The following PAM variants were observed in gnomAD, a reference collection of about 807,000 sequenced individuals.
PAM encodes the protein peptidylglycine alpha-amidating monooxygenase.
Under a neutral mutation model 122.1 loss-of-function variants are expected in PAM, and 72 were observed. That is an observed-to-expected ratio of 0.59 (90% CI 0.49 to 0.72). The LOEUF is 0.72. Among genes scored for constraint, PAM ranks in the 30% least tolerant of loss-of-function variants. The probability of loss-of-function intolerance (pLI) is 0.00; values close to 1 mark genes in which losing one functional copy is unlikely to be tolerated. For missense variants in PAM, 1,106 were observed against 1,183.7 expected (o/e 0.93, Z 0.96); for synonymous variants, 389 against 404.4 (o/e 0.96, Z 0.46).
intron 1 of PAM, among the ~76,000 whole-genome samples, chr5:102,847,385 G>A (rs1780216336): frequency 6.6e-6 from 1 of 152,130 alleles, no homozygotes; most frequent in Non-Finnish European, 1.5e-5. Context: ...GTTGCAGTGA[G>A]CTGAGATCAT....
At chr5:103,012,004 G>GATGAGAAATTTGCATGATCTGATC (rs1209727414) in intron 21 of PAM, among the ~76,000 whole-genome samples, 1 of 152,170 alleles carries the variant, frequency 6.6e-6, no homozygotes, top group Admixed American at 6.5e-5. Context: ...GCATTTCTCT[G>GATGAGAAATTTGCATGATCTGATC]ATGATCAATG....
At chr5:102,931,804 C>T (rs185626919) in intron 7 of PAM, among the ~76,000 whole-genome samples, 2,400 of 143,548 alleles carry the variant, frequency 0.017, 61 homozygotes, top group African/African-American at 0.058. Context: ...CAACAAACAA[C>T]ACACTCTCTC....
In PAM at chr5:102,940,139, CACACACACACAT is replaced by C. The variant is rs1298469872; in HGVS notation, c.527-6686_527-6675del. Among the ~76,000 whole-genome samples, 492 of 150,926 alleles carry C rather than the reference CACACACACACAT, an allele frequency of 3.3e-3. 2 individuals are homozygous for C. Among genetic ancestry groups the C allele is most frequent in the African/African-American group, 0.011 (437 of 40,956 alleles). Reference sequence around the variant, plus strand: ...ATACACACACACACACACACACACACACACACACACATACACACACACACATATATATGAAAA... The same window carrying C: ...ATACACACACACACACACACACACACACACACACACACATATATATGAAAA... On this transcript the variant is annotated intron_variant, in intron 7 of 25. Coordinates refer to ENST00000438793, the MANE Select transcript of PAM (RefSeq NM_001177306.2).
intron 1 of PAM, among the ~76,000 whole-genome samples, chr5:102,841,057 G>A (rs113314876): frequency 1.0e-3 from 159 of 151,988 alleles, no homozygotes; most frequent in African/African-American, 3.6e-3. Context: ...TCTTGGTATA[G>A]GAATAGTGTG....
intron 1 of PAM, among the ~76,000 whole-genome samples, chr5:102,822,914 C>T (rs32685): frequency 0.61 from 93,116 of 152,008 alleles, 28,872 homozygotes; most frequent in South Asian, 0.77. Context: ...GGATTCCTCC[C>T]CACTCATCCC....
intron 1 of PAM, among the ~76,000 whole-genome samples, chr5:102,779,656 G>A (rs566067752): frequency 9.9e-5 from 15 of 151,792 alleles, no homozygotes; most frequent in African/African-American, 1.9e-4. Context: ...TCTAATCAGC[G>A]GCCAGTGAAT....
At position 103,006,983 on chromosome 5, in the gene PAM, T is replaced by C. The variant is rs779755859; in HGVS notation, c.1986T>C (p.Ser662=). The C allele has an allele frequency of 1.2e-6, 2 of 1,613,750 alleles. No homozygotes were observed. Among genetic ancestry groups the C allele is most frequent in the South Asian group, 2.2e-5 (2 of 91,054 alleles). Residue 662 remains serine (S), a synonymous_variant, in exon 19 of 26, where the codon AGT becomes AGC. Coordinates refer to ENST00000438793, the MANE Select transcript of PAM (RefSeq NM_001177306.2). The stretch of plus-strand genomic sequence containing the variant: ...GCAGGATTGTGCAGTTTTCACCAAG[T>C]GGAAAGTTCATCACACAGTGGGGAG... ...CNSRIVQFSP[S]GKFITQWGEE...
chr5:102,849,633 G>A (rs1780880884), intron 1 of PAM, among the ~76,000 whole-genome samples: 1 of 151,852 alleles, frequency 6.6e-6, no homozygotes, highest in South Asian at 2.1e-4. Flanking sequence ...TTGGTTCAGT[G>A]GAGAGCATTA....
chr5:102,772,537 A>C (rs750576164), intron 1 of PAM, among the ~76,000 whole-genome samples: 9 of 152,146 alleles, frequency 5.9e-5, no homozygotes, highest in Admixed American at 4.6e-4. Context: ...AGATATGCAC[A>C]TGGTTCTCAA....
At chr5:102,932,005 C>T (rs1043722460) in intron 7 of PAM, among the ~76,000 whole-genome samples, 4 of 152,048 alleles carry the variant, frequency 2.6e-5, no homozygotes, top group African/African-American at 7.3e-5. Context: ...CTATTTTCAA[C>T]TCTCCTTTAT....
intron 5 of PAM, among the ~76,000 whole-genome samples, chr5:102,922,069 T>C (rs1362289405): frequency 6.6e-6 from 1 of 151,942 alleles, no homozygotes; most frequent in Non-Finnish European, 1.5e-5. Flanking sequence ...AAGTTGAGAG[T>C]GCAATACAAT....
intron 1 of PAM, among the ~76,000 whole-genome samples, chr5:102,779,841 G>A (rs894518934): frequency 7.3e-6 from 1 of 137,760 alleles, no homozygotes; most frequent in Non-Finnish European, 1.5e-5. Flanking sequence ...GCCTATTGTG[G>A]GACCTTGTGA....
intron 16 of PAM, among the ~76,000 whole-genome samples, chr5:102,998,350 CT>C (rs1776332425): frequency 6.6e-6 from 1 of 152,130 alleles, no homozygotes; most frequent in Admixed American, 6.5e-5. Context: ...TTTTGTCATT[CT>C]GCAGAGAGGG....
intron 1 of PAM, among the ~76,000 whole-genome samples, chr5:102,764,898 A>G (rs1409509554): frequency 6.6e-6 from 1 of 152,142 alleles, no homozygotes; most frequent in Non-Finnish European, 1.5e-5. Context: ...CCCTTTCTGT[A>G]CTTCTTATTC....
chr5:102,887,954 C>A (rs1793652707), intron 3 of PAM, among the ~76,000 whole-genome samples: 1 of 151,972 alleles, frequency 6.6e-6, no homozygotes, highest in Admixed American at 6.6e-5. Context: ...GCATCCTCCA[C>A]CTTTTAGAGT....
At position 102,829,457 on chromosome 5, in the gene PAM, C is replaced by T. The variant is rs570930684; in HGVS notation, c.-373-36366C>T. Among the ~76,000 whole-genome samples the T allele has an allele frequency of 2.2e-4, 33 of 151,226 alleles. No individual in the cohort carries two copies. The South Asian group carries it at 6.9e-3, about 32-fold the overall frequency. ...CGCGATCTCGGTTCACTGCAAGCTC[C>T]GCCTCCCCGGCTCACACCATTCTCC... On this transcript the variant is annotated intron_variant, in intron 1 of 25. Transcript: ENST00000438793.
At chr5:102,926,805 T>C in intron 7 of PAM, 137 bp downstream of exon 7, 1 of 563,754 alleles carries the variant, frequency 1.8e-6, no homozygotes, top group Non-Finnish European at 3.1e-6. Flanking sequence ...TTTTGTTTCC[T>C]TTAATTTGGA....
intron 5 of PAM, among the ~76,000 whole-genome samples, chr5:102,921,918 C>T (rs1162473956): frequency 6.6e-6 from 1 of 152,114 alleles, no homozygotes; most frequent in Non-Finnish European, 1.5e-5. Flanking sequence ...TGAGCTTATT[C>T]AACTTTAAAT....
chr5:102,867,512 C>T (rs1328035368), intron 3 of PAM, 119 bp downstream of exon 3: 1 of 585,174 alleles, frequency 1.7e-6, no homozygotes, highest in Non-Finnish European at 3.0e-6. Context: ...GCTTTCAAGA[C>T]TCCAGCTAAG....
Sources: gnomAD v4.1 joint callset for allele counts (sites outside exome capture counted in the v4.1 genomes callset) on GRCh38, gnomAD v4.1.1 for gene constraint, MANE v1.5 for transcripts, NCBI Gene and HGNC (gene_info 2026-07-23, HGNC 2026-07-21) for gene names.